Variants in NLRP8 observed in about 807,000 individuals in gnomAD.
NLRP8 encodes the protein NLR family pyrin domain containing 8.
In NLRP8, 86 loss-of-function variants were observed where a neutral mutation model predicts 88.7. That is an observed-to-expected ratio of 0.97 (90% CI 0.81 to 1.16). The LOEUF is 1.16. Ranked by LOEUF, NLRP8 falls within the 50% of genes most tolerant of loss-of-function variation. The probability of loss-of-function intolerance (pLI) is 0.00; values close to 1 mark genes in which losing one functional copy is unlikely to be tolerated. For synonymous variants in NLRP8, 504 were observed against 494.6 expected, an observed-to-expected ratio of 1.02 and a Z score of -0.25; for missense variants, 1,342 against 1,286.5, an observed-to-expected ratio of 1.04 and a Z score of -0.66.
intron 1 of NLRP8, among the ~76,000 whole-genome samples, chr19:55,951,055 G>A (rs531479771): frequency 7.2e-5 from 11 of 152,292 alleles, no homozygotes; most frequent in African/African-American, 2.6e-4. Flanking sequence ...TCCAGCCTGG[G>A]TGACAGAGTG....
intron 5 of NLRP8, among the ~76,000 whole-genome samples, chr19:55,968,309 C>T (rs991899464): frequency 4.0e-5 from 6 of 150,724 alleles, no homozygotes; most frequent in Admixed American, 1.3e-4. Context: ...TGTGGTGGTG[C>T]GCACCTATAA....
In NLRP8 at chr19:55,987,931, C is replaced by G. The variant is rs752022931; in HGVS notation, c.*18C>G. 6.4e-7 allele frequency: 1 copy of G among 1,574,006 alleles called. No individual in the cohort carries two copies. The highest frequency in any genetic ancestry group is 1.1e-5 in the South Asian group (1 of 90,210). On this transcript the variant is annotated 3_prime_UTR_variant, in exon 10 of 10. Transcript: ENST00000291971. ...ATCCTTAGGCCGTCCAGTCATCTTT[C>G]TCTGGGGCTTGATTGATCAGTTCCC... is the stretch of plus-strand genomic sequence containing the variant.
rs1256657754 is a variant in NLRP8, at chr19:55,988,425, AAT to A, written c.*521_*522del. On this transcript the variant is annotated 3_prime_UTR_variant, in exon 10 of 10. Transcript: ENST00000291971. ...GAAAAAAAAAATACATATACACATA[AAT>A]ATATATATGTGTGTGTGTATATATA... 1.5e-4 allele frequency: 13 copies of A among 85,102 alleles called. No individual in the cohort carries two copies. Among genetic ancestry groups the A allele is most frequent in the East Asian group, 6.6e-4 (2 of 3,032 alleles). The allele number at this position is 85,102 out of a possible 1,614,324, so 5.3% of individuals were successfully genotyped here. A position where few individuals can be genotyped will look rare whatever the true frequency, so the allele number is the denominator to read the frequency against.
chr19:55,985,607 A>T (rs1326725278), intron 9 of NLRP8, among the ~76,000 whole-genome samples: 1 of 152,236 alleles, frequency 6.6e-6, no homozygotes, highest in East Asian at 1.9e-4. Flanking sequence ...GTATAAATCT[A>T]AATATGAAAG....
At chr19:55,986,607 CTGT>C (rs1980852284) in intron 9 of NLRP8, among the ~76,000 whole-genome samples, 2 of 152,186 alleles carry the variant, frequency 1.3e-5, no homozygotes, top group African/African-American at 4.8e-5. Flanking sequence ...GCAGCAGCAC[CTGT>C]AAGTGGTGCA....
intron 2 of NLRP8, among the ~76,000 whole-genome samples, chr19:55,954,103 C>T (rs2123186781): frequency 6.6e-6 from 1 of 152,160 alleles, no homozygotes; most frequent in East Asian, 1.9e-4. Flanking sequence ...ACACCCGGCC[C>T]TCCCAAGTAT....
At position 55,976,238 on chromosome 19, in the gene NLRP8, G is replaced by A. The variant is rs1212511435; in HGVS notation, c.2811G>A (p.Lys937=). 7 of 1,613,692 alleles carry A rather than the reference G, an allele frequency of 4.3e-6. No homozygotes were observed. The highest frequency in any genetic ancestry group is 4.5e-5 in the East Asian group (2 of 44,872). Reference sequence around the variant, plus strand: ...TTGACCTAAGTTTTAATAGCCTGAAGGATGATGGGGTGATCCTGCTGTGTG... The same window carrying A: ...TTGACCTAAGTTTTAATAGCCTGAAAGATGATGGGGTGATCCTGCTGTGTG... Residue 937 remains lysine, a synonymous_variant, in exon 8 of 10, where the codon AAG becomes AAA. Transcript: ENST00000291971.
chr19:55,968,917 A>C (rs908176047), intron 5 of NLRP8, among the ~76,000 whole-genome samples: 1 of 152,096 alleles, frequency 6.6e-6, no homozygotes, highest in African/African-American at 2.4e-5. Flanking sequence ...ACATGATGTC[A>C]TGGTGCACTA....
chr19:55,973,867 C>T (rs549339137), intron 7 of NLRP8, 45 bp downstream of exon 7: 7 of 1,561,300 alleles, frequency 4.5e-6, no homozygotes, highest in East Asian at 2.3e-5. Flanking sequence ...TGGAGCAGAA[C>T]AGGGTGATGA....
chr19:55,948,838 A>T (rs968859210), intron 1 of NLRP8, among the ~76,000 whole-genome samples: 1 of 152,204 alleles, frequency 6.6e-6, no homozygotes, highest in Non-Finnish European at 1.5e-5. Flanking sequence ...GTGGAAAAGC[A>T]TATGCTATGG....
In NLRP8 at chr19:55,973,675, A is replaced by T. The variant is rs1568466991; in HGVS notation, c.2558A>T (p.Gln853Leu). Reference sequence around the variant, plus strand: ...AGGATAGAGAACTGCAACCTTACACAGCTTACTTGTGAAAGCCTTGCCTCC... The same window carrying T: ...AGGATAGAGAACTGCAACCTTACACTGCTTACTTGTGAAAGCCTTGCCTCC... The change falls in exon 7 of 10, where the codon CAG (glutamine) becomes CTG (leucine). Residue 853 changes from glutamine (Q) to leucine (L), a missense_variant. Coordinates refer to ENST00000291971, the MANE Select transcript of NLRP8 (RefSeq NM_176811.2). 3 of 1,613,436 alleles carry T rather than the reference A, an allele frequency of 1.9e-6. No individual in the cohort carries two copies.
intron 3 of NLRP8, among the ~76,000 whole-genome samples, chr19:55,957,556 G>T (rs1979409250): frequency 6.6e-6 from 1 of 151,168 alleles, no homozygotes; most frequent in Non-Finnish European, 1.5e-5. Flanking sequence ...CATGGTGGCG[G>T]GCACCTGTAA....
intron 9 of NLRP8, among the ~76,000 whole-genome samples, chr19:55,983,568 C>A (rs554340917): frequency 2.6e-4 from 40 of 151,456 alleles, no homozygotes; most frequent in Middle Eastern, 3.5e-3. Context: ...GATGTACTCA[C>A]ATGAGTCTTT....
chr19:55,970,802 A>G lies in NLRP8; in HGVS notation c.2534+106A>G, dbSNP rs957593366. 24 of 1,404,572 alleles carry G rather than the reference A, an allele frequency of 1.7e-5. No individual in the cohort carries two copies. In the East Asian group the frequency reaches 5.5e-4, roughly 32 times the overall value. 87.0% of individuals were successfully genotyped at this position (1,404,572 alleles called of 1,614,324 possible). On this transcript the variant is annotated intron_variant, in intron 6 of 9. Coordinates refer to ENST00000291971, the MANE Select transcript of NLRP8 (RefSeq NM_176811.2). Reference sequence around the variant, plus strand: ...GAAGTCATAGGGAAGGTACATGTATAGGAGCAAACATAAGTCTTGTGATTG... The same window carrying G: ...GAAGTCATAGGGAAGGTACATGTATGGGAGCAAACATAAGTCTTGTGATTG...
Position 55,957,673 on chromosome 19 carries a change from T to TATA in NLRP8, c.2042+1573_2042+1574insATA, listed in dbSNP as rs1378405360. 2.3e-3 allele frequency among the ~76,000 whole-genome samples: 71 copies of TATA among 31,184 alleles called. 5 individuals carry two copies. Among genetic ancestry groups the TATA allele is most frequent in the African/African-American group, 0.015 (63 of 4,160 alleles). 20.5% of individuals were successfully genotyped at this position (31,184 alleles called of 152,430 possible). A position where few individuals can be genotyped will look rare whatever the true frequency, so the allele number is the denominator to read the frequency against. On this transcript the variant is annotated intron_variant, in intron 3 of 9. Transcript: ENST00000291971. ...TATCTTAAAAAAGAAAAAATAATAATTATATATATATATATATATATATAT... is the reference window on the plus strand; with the variant it reads ...TATCTTAAAAAAGAAAAAATAATAATATATATATATATATATATATATATATAT...
At position 55,962,056 on chromosome 19, in the gene NLRP8, C is replaced by T. The variant is rs1979633718; in HGVS notation, c.2043-11C>T. ...CGAAGAGGTGTTTTCTCTCTTCTCC[C>T]TTCCATGTAGAGCGCCAGAGAGCAA... On this transcript the variant is annotated splice_polypyrimidine_tract_variant and intron_variant, in intron 3 of 9. Coordinates refer to ENST00000291971, the MANE Select transcript of NLRP8 (RefSeq NM_176811.2). The T allele has an allele frequency of 6.2e-7, 1 of 1,611,718 alleles. No homozygotes were observed. The highest frequency in any genetic ancestry group is 1.3e-5 in the African/African-American group (1 of 74,740).
chr19:55,984,394 C>T (rs1384134655), intron 9 of NLRP8, among the ~76,000 whole-genome samples: 4 of 152,092 alleles, frequency 2.6e-5, no homozygotes, highest in Non-Finnish European at 4.4e-5. Flanking sequence ...GTGGCTCACG[C>T]CTGTAATCAC....
chr19:55,955,643 A>C lies in NLRP8; in HGVS notation c.1585A>C (p.Asn529His), dbSNP rs768338610. The C allele has an allele frequency of 1.2e-5, 19 of 1,613,998 alleles. No homozygotes were observed. In the East Asian group the frequency reaches 4.2e-4, roughly 36 times the overall value. Residue 529 changes from asparagine (N) to histidine (H), a missense_variant, in exon 3 of 10, where the codon AAT becomes CAT. Coordinates refer to ENST00000291971, the MANE Select transcript of NLRP8 (RefSeq NM_176811.2). The stretch of plus-strand genomic sequence containing the variant: ...TCTCTGTTTCCCACAAAGACTCAAA[A>C]ATTTTCATGTGTTGAGCCACGTGAA...
chr19:55,982,171 G>C (rs940814256), intron 9 of NLRP8, among the ~76,000 whole-genome samples: 1 of 152,038 alleles, frequency 6.6e-6, no homozygotes, highest in Non-Finnish European at 1.5e-5. Flanking sequence ...CAAAGTGCTG[G>C]GATTACAAGT....
Sources: allele counts gnomAD v4.1 joint callset (sites outside exome capture counted in the v4.1 genomes callset), GRCh38; gene constraint gnomAD v4.1.1; transcripts MANE v1.5; gene names NCBI Gene and HGNC (gene_info 2026-07-23, HGNC 2026-07-21).